CSMD1: variants seen among roughly 807,000 people sequenced by gnomAD.
CSMD1 encodes CUB and sushi domain-containing protein 1.
CSMD1 carries 213 observed loss-of-function variants against 417.5 expected under a neutral mutation model. That is an observed-to-expected ratio of 0.51 (90% confidence interval 0.46 to 0.57). The LOEUF is 0.57. Among genes scored for constraint, CSMD1 ranks in the 20% least tolerant of loss-of-function variants. CSMD1 has a pLI of 0.00. For missense variants in CSMD1, 6,923 were observed against 4,529.7 expected, an observed-to-expected ratio of 1.53 and a Z score of -15.17; for synonymous variants, 2,862 against 1,736.8, an observed-to-expected ratio of 1.65 and a Z score of -16.11.
At chr8:4,158,413 G>A (rs1238216874) in intron 3 of CSMD1, among the ~76,000 whole-genome samples, 3 of 151,646 alleles carry the variant, frequency 2.0e-5, no homozygotes, top group Non-Finnish European at 4.4e-5. Context: ...ATTGCAAAAG[G>A]ATATTGCAAA....
At chr8:3,314,699 A>G (rs749182574) in intron 23 of CSMD1, among the ~76,000 whole-genome samples, 8 of 152,210 alleles carry the variant, frequency 5.3e-5, no homozygotes, top group Non-Finnish European at 2.9e-5. Context: ...ACTTCTCCAT[A>G]TATGTTGCAT....
In CSMD1 at chr8:4,433,289, C is replaced by A. The variant is rs141912739; in HGVS notation, c.303-13224G>T. Among the ~76,000 whole-genome samples the A allele has an allele frequency of 6.1e-3, 921 of 152,184 alleles. 10 individuals are homozygous for A. Among genetic ancestry groups the A allele is most frequent in the Non-Finnish European group, 0.011 (727 of 68,008 alleles). On this transcript the variant is annotated intron_variant, in intron 2 of 69. Coordinates refer to ENST00000635120, the MANE Select transcript of CSMD1 (RefSeq NM_033225.6). The stretch of plus-strand genomic sequence containing the variant: ...AACCATTTCCTCCCACACCCTGGTC[C>A]GTAGAAAAACTGGCTTCCACGAAAC...
chr8:3,381,980 G>C (rs951691404), intron 18 of CSMD1, among the ~76,000 whole-genome samples: 1 of 152,086 alleles, frequency 6.6e-6, no homozygotes, highest in Non-Finnish European at 1.5e-5. Context: ...GTATCAGGCT[G>C]GGCGCGGTGG....
chr8:3,838,385 C>CTATA (rs1389578183), intron 5 of CSMD1, among the ~76,000 whole-genome samples: 1 of 141,054 alleles, frequency 7.1e-6, no homozygotes, highest in Non-Finnish European at 1.5e-5. Flanking sequence ...TATATACGCA[C>CTATA]TATATATATA....
At chr8:4,620,740 C>T (rs1374977571) in intron 2 of CSMD1, among the ~76,000 whole-genome samples, 1 of 151,414 alleles carries the variant, frequency 6.6e-6, no homozygotes, top group African/African-American at 2.4e-5. Context: ...AAATGTTTGG[C>T]AAATAAATTA....
intron 1 of CSMD1, among the ~76,000 whole-genome samples, chr8:4,754,832 G>C (rs1811568742): frequency 6.7e-6 from 1 of 149,900 alleles, no homozygotes; most frequent in South Asian, 2.1e-4. Context: ...CTGGGTGACG[G>C]AGCAAGACTT....
chr8:4,874,978 C>T (rs1386476247), intron 1 of CSMD1, among the ~76,000 whole-genome samples: 1 of 150,902 alleles, frequency 6.6e-6, no homozygotes, highest in Non-Finnish European at 1.5e-5. Context: ...TCCTTTATTT[C>T]CTTCTTTCCC....
intron 1 of CSMD1, among the ~76,000 whole-genome samples, chr8:4,823,338 T>G (rs752984658): frequency 6.6e-6 from 1 of 152,074 alleles, no homozygotes; most frequent in Non-Finnish European, 1.5e-5. Flanking sequence ...GTTTTTAAAA[T>G]GTATTACAAT....
intron 5 of CSMD1, among the ~76,000 whole-genome samples, chr8:3,916,291 A>G (rs560755708): frequency 1.2e-4 from 18 of 152,302 alleles, no homozygotes; most frequent in African/African-American, 3.8e-4. Flanking sequence ...AAAGTCTCAT[A>G]TAAAATCACC....
intron 3 of CSMD1, among the ~76,000 whole-genome samples, chr8:4,175,045 A>C (rs1429804841): frequency 1.3e-5 from 2 of 151,782 alleles, no homozygotes; most frequent in Non-Finnish European, 1.5e-5. Flanking sequence ...ATTCCTTTCT[A>C]AGTGAACCCT....
At chr8:4,203,433 G>C (rs1200109742) in intron 3 of CSMD1, among the ~76,000 whole-genome samples, 2 of 152,152 alleles carry the variant, frequency 1.3e-5, no homozygotes, top group East Asian at 3.9e-4. Flanking sequence ...TCTCACAGCA[G>C]CCAGAAAAAA....
At chr8:4,182,505 A>C (rs991865228) in intron 3 of CSMD1, among the ~76,000 whole-genome samples, 6 of 152,150 alleles carry the variant, frequency 3.9e-5, no homozygotes, top group Admixed American at 3.9e-4. Context: ...TTATTAGCGA[A>C]ATGTTGGACG....
chr8:3,918,070 C>T (rs766742334), intron 5 of CSMD1, among the ~76,000 whole-genome samples: 3 of 151,848 alleles, frequency 2.0e-5, no homozygotes, highest in Non-Finnish European at 2.9e-5. Flanking sequence ...TTGTATATTC[C>T]ACTTTTTCTT....
chr8:3,720,305 G>T (rs894333959), intron 6 of CSMD1, among the ~76,000 whole-genome samples: 3 of 152,114 alleles, frequency 2.0e-5, no homozygotes, highest in African/African-American at 7.2e-5. Flanking sequence ...GAAGAAAAAA[G>T]AAAGGGGAGA....
intron 1 of CSMD1, among the ~76,000 whole-genome samples, chr8:4,891,550 G>C (rs13252258): frequency 0.81 from 122,480 of 152,064 alleles, 49,917 homozygotes; most frequent in East Asian, 0.97. Context: ...AGTTTGCCTT[G>C]AAATTCCTAG....
chr8:4,191,552 T>A (rs892175917), intron 3 of CSMD1, among the ~76,000 whole-genome samples: 48 of 152,284 alleles, frequency 3.2e-4, no homozygotes, highest in African/African-American at 1.1e-3. Context: ...GAACTACAAC[T>A]GAAAATGCTT....
chr8:3,140,196 C>T (rs1415802564), intron 41 of CSMD1, among the ~76,000 whole-genome samples: 1 of 152,146 alleles, frequency 6.6e-6, no homozygotes, highest in African/African-American at 2.4e-5. Context: ...GAGGCCACCA[C>T]ACCCAGCCCC....
chr8:3,455,165 G>C (rs1225573894), intron 12 of CSMD1, among the ~76,000 whole-genome samples: 5 of 152,066 alleles, frequency 3.3e-5, no homozygotes, highest in Admixed American at 2.0e-4. Context: ...AGTTCCATTA[G>C]GTCCTTTAAG....
chr8:4,813,454 A>G (rs1799021338), intron 1 of CSMD1, among the ~76,000 whole-genome samples: 1 of 152,216 alleles, frequency 6.6e-6, no homozygotes, highest in South Asian at 2.1e-4. Flanking sequence ...TTCTTCCTAG[A>G]TACAACAGAA....
Sources: allele counts gnomAD v4.1 joint callset (sites outside exome capture counted in the v4.1 genomes callset), GRCh38; gene constraint gnomAD v4.1.1; transcripts MANE v1.5; gene names NCBI Gene and HGNC (gene_info 2026-07-23, HGNC 2026-07-21).